The following TTC28 variants were observed in gnomAD, a reference collection of about 807,000 sequenced individuals.
TTC28 encodes tetratricopeptide repeat domain 28, also known as tetratricopeptide repeat protein 28.
In TTC28, 61 loss-of-function variants were observed where a neutral mutation model predicts 198.0. The ratio of observed to expected loss-of-function variants is 0.31; its 90% CI spans 0.25 to 0.38. The LOEUF (loss-of-function observed/expected upper bound fraction) is 0.38, where lower values mean the gene tolerates loss of function less well. Among genes scored for constraint, TTC28 ranks in the 10% least tolerant of loss-of-function variants. The probability of loss-of-function intolerance (pLI) is 1.00; values close to 1 mark genes in which losing one functional copy is unlikely to be tolerated. For synonymous variants in TTC28, 1,171 were observed against 1,297.8 expected, an observed-to-expected ratio of 0.90 and a Z score of 2.10; for missense variants, 2,678 against 3,164.0, an observed-to-expected ratio of 0.85 and a Z score of 3.69.
intron 12 of TTC28, among the ~76,000 whole-genome samples, chr22:28,032,267 A>ATATATAAAATATATATATATATATAGT (rs1226631612): frequency 5.1e-5 from 4 of 78,720 alleles, no homozygotes; most frequent in African/African-American, 1.9e-4. Context: ...ATATATATAT[A>ATATATAAAATATATATATATATATAGT]GTGTGTGTGT....
intron 12 of TTC28, among the ~76,000 whole-genome samples, chr22:28,070,697 T>C (rs73880385): frequency 0.069 from 10,519 of 152,210 alleles, 407 homozygotes; most frequent in South Asian, 0.089. Flanking sequence ...TAATTTAAAG[T>C]GGATAATATC....
intron 2 of TTC28, among the ~76,000 whole-genome samples, chr22:28,537,709 T>C (rs1294204729): frequency 6.6e-6 from 1 of 152,214 alleles, no homozygotes; most frequent in African/African-American, 2.4e-5. Flanking sequence ...ATTCGTTATA[T>C]CATTAAATTT....
chr22:28,507,188 G>A (rs2048624021), intron 2 of TTC28, among the ~76,000 whole-genome samples: 1 of 152,156 alleles, frequency 6.6e-6, no homozygotes, highest in African/African-American at 2.4e-5. Flanking sequence ...CTGATAGCCA[G>A]AATAGCCAGT....
chr22:28,169,035 A>T (rs1922351219), intron 5 of TTC28, among the ~76,000 whole-genome samples: 1 of 152,244 alleles, frequency 6.6e-6, no homozygotes, highest in South Asian at 2.1e-4. Flanking sequence ...CACTTCTCAA[A>T]AGAAGACATT....
At chr22:28,180,517 T>C (rs1923599355) in intron 5 of TTC28, among the ~76,000 whole-genome samples, 1 of 152,140 alleles carries the variant, frequency 6.6e-6, no homozygotes, top group South Asian at 2.1e-4. Context: ...CCAGTAAGCT[T>C]GTGACCAGAT....
intron 2 of TTC28, among the ~76,000 whole-genome samples, chr22:28,476,045 C>T (rs757014633): frequency 6.6e-6 from 1 of 152,104 alleles, no homozygotes. Flanking sequence ...AAATATAATA[C>T]TTGACATACC....
At position 27,998,769 on chromosome 22, in the gene TTC28, G is replaced by A. The variant is rs745821941; in HGVS notation, c.4890C>T (p.Asn1630=). 11 of 1,550,624 alleles carry A rather than the reference G, an allele frequency of 7.1e-6. No homozygotes were observed. Among genetic ancestry groups the A allele is most frequent in the African/African-American group, 1.4e-5 (1 of 73,068 alleles). The change falls in exon 16 of 23, where the codon AAC becomes AAT. Residue 1630 remains asparagine (N), a synonymous_variant. Transcript: ENST00000397906. ...TGACCCCGTCGGCTGTGACTTTGCT[G>A]TTGGACTCCTGGGAGGAGCCAAGCA... ...LVVLGSSQES[N]SKVTADGVIA...
chr22:28,215,092 T>G (rs1378628076), intron 5 of TTC28, among the ~76,000 whole-genome samples: 1 of 151,490 alleles, frequency 6.6e-6, no homozygotes, highest in Non-Finnish European at 1.5e-5. Flanking sequence ...TGAGAACACT[T>G]GCACACAGGG....
intron 2 of TTC28, among the ~76,000 whole-genome samples, chr22:28,388,175 G>T (rs1327613417): frequency 2.6e-5 from 4 of 152,138 alleles, no homozygotes; most frequent in Non-Finnish European, 5.9e-5. Flanking sequence ...CGTTATTTCT[G>T]AGGGCTCTAT....
At chr22:28,593,850 G>A (rs1456523917) in intron 2 of TTC28, among the ~76,000 whole-genome samples, 1 of 152,028 alleles carries the variant, frequency 6.6e-6, no homozygotes, top group Non-Finnish European at 1.5e-5. Flanking sequence ...CTAGTTCTAC[G>A]ACATCTTAAA....
chr22:28,361,701 G>C (rs1157383474), intron 2 of TTC28, among the ~76,000 whole-genome samples: 1 of 152,220 alleles, frequency 6.6e-6, no homozygotes, highest in Non-Finnish European at 1.5e-5. Flanking sequence ...TCTATTGGAA[G>C]AGAAGCCATC....
chr22:28,516,759 T>TA (rs533050995), intron 2 of TTC28, among the ~76,000 whole-genome samples: 2,536 of 146,576 alleles, frequency 0.017, 90 homozygotes, highest in African/African-American at 0.06. Context: ...TAAAGTATAA[T>TA]AAAAAAAAAA....
chr22:28,070,555 G>A (rs1040426039), intron 12 of TTC28, among the ~76,000 whole-genome samples: 3 of 152,146 alleles, frequency 2.0e-5, no homozygotes, highest in African/African-American at 7.2e-5. Context: ...GACAAGATGG[G>A]TGGATCACCT....
At chr22:28,317,707 C>A (rs1013276336) in intron 2 of TTC28, among the ~76,000 whole-genome samples, 3 of 152,214 alleles carry the variant, frequency 2.0e-5, no homozygotes, top group Non-Finnish European at 4.4e-5. Flanking sequence ...TCCTTCCAAT[C>A]TCCAGCCAAA....
intron 2 of TTC28, among the ~76,000 whole-genome samples, chr22:28,325,257 T>C (rs1338709664): frequency 2.6e-5 from 4 of 152,238 alleles, no homozygotes; most frequent in Non-Finnish European, 5.9e-5. Context: ...TCTAGTTTAT[T>C]TGCATAGTGG....
At chr22:28,294,646 G>A (rs968691491) in intron 5 of TTC28, among the ~76,000 whole-genome samples, 1 of 150,946 alleles carries the variant, frequency 6.6e-6, no homozygotes, top group Admixed American at 6.6e-5. Flanking sequence ...TCAGCTCATT[G>A]CAACCTCCAC....
intron 2 of TTC28, among the ~76,000 whole-genome samples, chr22:28,450,935 C>G (rs545351566): frequency 4.6e-5 from 7 of 152,240 alleles, no homozygotes; most frequent in African/African-American, 1.4e-4. Flanking sequence ...TTCCAGACTA[C>G]AGGGCAGGAA....
intron 2 of TTC28, among the ~76,000 whole-genome samples, chr22:28,565,657 T>G (rs903176890): frequency 4.6e-5 from 7 of 152,224 alleles, no homozygotes; most frequent in African/African-American, 1.7e-4. Context: ...TTTGGAAAAG[T>G]ATATTTACTA....
At chr22:28,085,006 C>T (rs896195407) in intron 12 of TTC28, among the ~76,000 whole-genome samples, 3 of 151,928 alleles carry the variant, frequency 2.0e-5, no homozygotes, top group Non-Finnish European at 4.4e-5. Flanking sequence ...AAATATGGGA[C>T]TATGTGAAAA....
Sources: allele counts gnomAD v4.1 joint callset (sites outside exome capture counted in the v4.1 genomes callset), GRCh38; gene constraint gnomAD v4.1.1; transcripts MANE v1.5; gene names NCBI Gene and HGNC (gene_info 2026-07-23, HGNC 2026-07-21).